MARCHF6: variants seen among roughly 807,000 people sequenced by gnomAD.
The protein encoded by MARCHF6 is E3 ubiquitin-protein ligase MARCHF6.
In MARCHF6, 31 loss-of-function variants were observed where a neutral mutation model predicts 133.7. That is an observed-to-expected ratio of 0.23 (90% CI 0.17 to 0.31). The LOEUF is 0.31. Ranked by LOEUF, MARCHF6 falls within the 10% of genes least tolerant of loss-of-function variation. MARCHF6 has a pLI of 1.00. For missense variants in MARCHF6, 723 were observed against 1,121.6 expected (o/e 0.64, Z 5.08); for synonymous variants, 395 against 402.5 (o/e 0.98, Z 0.22).
chr5:10,403,475 T>C lies in MARCHF6; in HGVS notation c.1266T>C (p.Phe422=). 6.2e-7 allele frequency: 1 copy of C among 1,613,944 alleles called. No homozygotes were observed. Among genetic ancestry groups the C allele is most frequent in the South Asian group, 1.1e-5 (1 of 91,070 alleles). Residue 422 remains phenylalanine, a synonymous_variant, in exon 15 of 26, where the codon TTT becomes TTC. Transcript: ENST00000274140. ...AGTCGGCTCCAGGTACTACCATGTT[T>C]CTGCATTGGCTAGTGGGAATGGTAT... ...SFQSAPGTTM[F]LHWLVGMVYV...
At chr5:10,419,106 A>G (rs1375472504) in intron 22 of MARCHF6, among the ~76,000 whole-genome samples, 3 of 152,208 alleles carry the variant, frequency 2.0e-5, no homozygotes, top group Non-Finnish European at 4.4e-5. Context: ...TAGGTGAGAA[A>G]TAAGTAATAC....
intron 20 of MARCHF6, 69 bp from the exon 21 acceptor site, chr5:10,415,419 T>C: frequency 7.3e-7 from 1 of 1,371,958 alleles, no homozygotes; most frequent in South Asian, 1.3e-5. Flanking sequence ...AATACTAACA[T>C]AACAACATGA....
intron 1 of MARCHF6, among the ~76,000 whole-genome samples, chr5:10,376,770 A>C (rs1188181027): frequency 1.3e-5 from 2 of 152,100 alleles, no homozygotes; most frequent in Non-Finnish European, 2.9e-5. Flanking sequence ...CACGCACCAC[A>C]CTGCTCTCGG....
chr5:10,387,090 A>G (rs1027139065), intron 5 of MARCHF6, 24 bp downstream of exon 5: 1 of 1,558,048 alleles, frequency 6.4e-7, no homozygotes. Context: ...CTCTGTGACG[A>G]ATGTTGCATG....
At chr5:10,376,797 T>G (rs1469489943) in intron 1 of MARCHF6, among the ~76,000 whole-genome samples, 1 of 152,188 alleles carries the variant, frequency 6.6e-6, no homozygotes, top group African/African-American at 2.4e-5. Flanking sequence ...CTCACTTGAA[T>G]CCGATGGATG....
chr5:10,394,836 G>A (rs1367804170), intron 9 of MARCHF6, 51 bp downstream of exon 9: 1 of 1,223,916 alleles, frequency 8.2e-7, no homozygotes, highest in Non-Finnish European at 1.1e-6. Context: ...ATCTCACTCT[G>A]TCACCCAGGC....
At chr5:10,365,562 G>C (rs543204887) in intron 1 of MARCHF6, among the ~76,000 whole-genome samples, 2 of 152,244 alleles carry the variant, frequency 1.3e-5, no homozygotes, top group South Asian at 4.1e-4. Flanking sequence ...AGCCTCCTGG[G>C]ATTACAGGCG....
At chr5:10,395,168 G>A (rs750088382) in intron 9 of MARCHF6, among the ~76,000 whole-genome samples, 1 of 152,210 alleles carries the variant, frequency 6.6e-6, no homozygotes, top group African/African-American at 2.4e-5. Flanking sequence ...TTTATAGTAT[G>A]TAGTAAAGGT....
Position 10,426,500 on chromosome 5 carries a change from T to C in MARCHF6, c.2484T>C (p.Ala828=). ...LLSLCVPYVI[A]SGVVPLLGVT... ...CCCTGTGTGTACCTTATGTCATAGC[T>C]TCTGGTGTTGTTCCTTTACTAGGTA... Residue 828 remains alanine (A), a synonymous_variant, in exon 24 of 26, where the codon GCT becomes GCC. Coordinates refer to ENST00000274140, the MANE Select transcript of MARCHF6 (RefSeq NM_005885.4). 1 of 1,614,166 alleles carries C rather than the reference T, an allele frequency of 6.2e-7. No individual in the cohort carries two copies. The highest frequency in any genetic ancestry group is 8.5e-7 in the Non-Finnish European group (1 of 1,180,020).
At chr5:10,407,615 G>A (rs369080756) in intron 17 of MARCHF6, among the ~76,000 whole-genome samples, 24 of 152,234 alleles carry the variant, frequency 1.6e-4, no homozygotes, top group Middle Eastern at 3.4e-3. Context: ...ATTAAAAATA[G>A]GGTACAAGGC....
chr5:10,409,729 A>G (rs542238437), intron 17 of MARCHF6, among the ~76,000 whole-genome samples: 1 of 152,266 alleles, frequency 6.6e-6, no homozygotes, highest in African/African-American at 2.4e-5. Flanking sequence ...AGGATAATGC[A>G]ATGATCCTGG....
chr5:10,407,259 G>A (rs1738955577), intron 17 of MARCHF6, 57 bp downstream of exon 17: 2 of 849,430 alleles, frequency 2.4e-6, no homozygotes, highest in Non-Finnish European at 3.7e-6. Context: ...GGGATTTGAT[G>A]TTCAGATTAC....
At chr5:10,374,373 A>ATTTCT in intron 1 of MARCHF6, among the ~76,000 whole-genome samples, 1 of 152,168 alleles carries the variant, frequency 6.6e-6, no homozygotes, top group African/African-American at 2.4e-5. Flanking sequence ...ATTGCAAGAA[A>ATTTCT]GTCCATGCCT....
At chr5:10,407,789 A>G (rs1305972279) in intron 17 of MARCHF6, among the ~76,000 whole-genome samples, 10 of 152,164 alleles carry the variant, frequency 6.6e-5, no homozygotes, top group Admixed American at 3.9e-4. Flanking sequence ...CCCTGTCTCT[A>G]CTAAAAATAC....
chr5:10,384,321 CA>C (rs76150679), intron 4 of MARCHF6, among the ~76,000 whole-genome samples: 142 of 142,092 alleles, frequency 1.0e-3, no homozygotes, highest in Non-Finnish European at 8.9e-4. Context: ...TTCTGGCACT[CA>C]AAAAAAAAAA....
chr5:10,405,744 T>G, intron 16 of MARCHF6, 67 bp downstream of exon 16: 1 of 1,429,082 alleles, frequency 7.0e-7, no homozygotes, highest in Non-Finnish European at 9.3e-7. Flanking sequence ...TTTGTTTAGG[T>G]TTTTTTTTCC....
chr5:10,368,223 C>T (rs1016591178), intron 1 of MARCHF6, among the ~76,000 whole-genome samples: 4 of 152,152 alleles, frequency 2.6e-5, no homozygotes, highest in African/African-American at 9.7e-5. Flanking sequence ...TTGTAATAGT[C>T]GTACTTGCTT....
In MARCHF6 at chr5:10,385,749, T is replaced by C. The variant is rs150924660; in HGVS notation, c.335-1245T>C. On this transcript the variant is annotated intron_variant, in intron 4 of 25. Coordinates refer to ENST00000274140, the MANE Select transcript of MARCHF6 (RefSeq NM_005885.4). The stretch of plus-strand genomic sequence containing the variant: ...CTAAGAAAATAGAATTAAAGAACTT[T>C]TATACACCAGAAAGCTGGGCCTTGA... 3.7e-3 allele frequency among the ~76,000 whole-genome samples: 558 copies of C among 152,310 alleles called. 5 individuals carry two copies. The highest frequency in any genetic ancestry group is 0.013 in the African/African-American group (541 of 41,568).
chr5:10,406,281 G>T (rs1420350415), intron 16 of MARCHF6, among the ~76,000 whole-genome samples: 1 of 152,162 alleles, frequency 6.6e-6, no homozygotes, highest in Non-Finnish European at 1.5e-5. Context: ...CGTTTAATTT[G>T]CATTGAAGCA....
Sources: allele counts gnomAD v4.1 joint callset (sites outside exome capture counted in the v4.1 genomes callset), GRCh38; gene constraint gnomAD v4.1.1; transcripts MANE v1.5; gene names NCBI Gene and HGNC (gene_info 2026-07-23, HGNC 2026-07-21).